Variants in NAV2 observed in about 807,000 individuals in gnomAD.
The protein encoded by NAV2 is helicase, APC down-regulated 1.
A neutral mutation model predicts 223.2 loss-of-function variants in NAV2; 54 were observed. The ratio of observed to expected loss-of-function variants is 0.24; its 90% CI spans 0.19 to 0.30. The LOEUF (loss-of-function observed/expected upper bound fraction) is 0.30. Ranked by LOEUF, NAV2 falls within the 10% of genes least tolerant of loss-of-function variation. NAV2 has a pLI of 1.00. For synonymous variants in NAV2, 1,279 were observed against 1,239.3 expected, an observed-to-expected ratio of 1.03 and a Z score of -0.67; for missense variants, 2,806 against 3,147.5, an observed-to-expected ratio of 0.89 and a Z score of 2.60.
chr11:19,642,501 C>T (rs1206013228), intron 1 of NAV2, among the ~76,000 whole-genome samples: 1 of 152,192 alleles, frequency 6.6e-6, no homozygotes, highest in Non-Finnish European at 1.5e-5. Flanking sequence ...GGATTCTTGT[C>T]AGACCTGCAG....
intron 10 of NAV2, among the ~76,000 whole-genome samples, chr11:19,974,140 A>G (rs953065072): frequency 1.3e-5 from 2 of 152,248 alleles, no homozygotes; most frequent in African/African-American, 4.8e-5. Flanking sequence ...TAGCCACATT[A>G]TAGTCAACTA....
intron 1 of NAV2, among the ~76,000 whole-genome samples, chr11:19,826,724 G>A (rs745863216): frequency 2.6e-5 from 4 of 152,216 alleles, no homozygotes; most frequent in Non-Finnish European, 5.9e-5. Flanking sequence ...TCTGATTAAT[G>A]AGCCTGAGCT....
chr11:19,896,943 T>C (rs1446197610), intron 6 of NAV2, among the ~76,000 whole-genome samples: 4 of 152,162 alleles, frequency 2.6e-5, no homozygotes, highest in African/African-American at 7.2e-5. Flanking sequence ...CATATGTTTA[T>C]TGCGGCACTA....
chr11:19,953,858 C>CGCGTGT (rs757111939), intron 10 of NAV2, among the ~76,000 whole-genome samples: 20 of 150,626 alleles, frequency 1.3e-4, no homozygotes, highest in East Asian at 4.0e-4. Context: ...CACGCGCGCG[C>CGCGTGT]GTGTGTGTGT....
chr11:19,984,200 G>A lies in NAV2; in HGVS notation c.2721G>A (p.Arg907=). ...TCCCTGATGGGATGGCTGTGGTACGGGAGACCCTGCAACGAAATACCTCCC... is the reference window on the plus strand; with the variant it reads ...TCCCTGATGGGATGGCTGTGGTACGAGAGACCCTGCAACGAAATACCTCCC... ...NRLPDGMAVV[R]ETLQRNTSLG... is the part of the protein sequence containing the mutation. Residue 907 remains arginine, a synonymous_variant, in exon 11 of 38, where the codon CGG becomes CGA. Transcript: ENST00000349880. 4 of 1,614,180 alleles carry A rather than the reference G, an allele frequency of 2.5e-6. No individual in the cohort carries two copies. Among genetic ancestry groups the A allele is most frequent in the Non-Finnish European group, 3.4e-6 (4 of 1,180,026 alleles).
chr11:19,666,569 T>C (rs1319888539), intron 1 of NAV2, among the ~76,000 whole-genome samples: 1 of 152,150 alleles, frequency 6.6e-6, no homozygotes, highest in East Asian at 1.9e-4. Flanking sequence ...CCAGACAGAT[T>C]GTGGAGCTTG....
intron 1 of NAV2, among the ~76,000 whole-genome samples, chr11:19,615,390 G>T (rs972834978): frequency 2.6e-5 from 4 of 151,902 alleles, no homozygotes; most frequent in African/African-American, 9.7e-5. Flanking sequence ...GTCCTCATAT[G>T]GTTGTTGTAA....
chr11:19,793,068 G>A (rs2057636286), intron 1 of NAV2, among the ~76,000 whole-genome samples: 2 of 151,826 alleles, frequency 1.3e-5, no homozygotes. Flanking sequence ...AATTAGCTGG[G>A]CATGGTGGTG....
At chr11:20,005,695 A>G (rs1323588733) in intron 11 of NAV2, among the ~76,000 whole-genome samples, 1 of 152,244 alleles carries the variant, frequency 6.6e-6, no homozygotes, top group Non-Finnish European at 1.5e-5. Context: ...CTGAATGCTC[A>G]AAGTATTTCA....
intron 11 of NAV2, among the ~76,000 whole-genome samples, chr11:20,002,290 A>G (rs1355684795): frequency 1.3e-5 from 2 of 152,208 alleles, no homozygotes; most frequent in Non-Finnish European, 2.9e-5. Context: ...CTCATCAGGC[A>G]TAGTACTTGC....
intron 1 of NAV2, among the ~76,000 whole-genome samples, chr11:19,756,493 G>A (rs1289905658): frequency 6.6e-6 from 1 of 152,158 alleles, no homozygotes; most frequent in East Asian, 1.9e-4. Context: ...GTGACTGAGG[G>A]AAAGAATAAC....
At chr11:20,002,112 A>G (rs1305680868) in intron 11 of NAV2, among the ~76,000 whole-genome samples, 1 of 152,208 alleles carries the variant, frequency 6.6e-6, no homozygotes, top group Non-Finnish European at 1.5e-5. Flanking sequence ...AAAGAGGGCA[A>G]GCTAGCTCTC....
At chr11:19,665,900 T>G (rs540014683) in intron 1 of NAV2, among the ~76,000 whole-genome samples, 13 of 152,296 alleles carry the variant, frequency 8.5e-5, no homozygotes, top group African/African-American at 2.9e-4. Flanking sequence ...CACAACATAA[T>G]TTCAAAGAAT....
chr11:19,404,872 CT>C (rs11342008), intron 1 of NAV2, among the ~76,000 whole-genome samples: 4,750 of 151,804 alleles, frequency 0.031, 227 homozygotes, highest in African/African-American at 0.11. Context: ...ACTTTTTTTT[CT>C]TTTTTTAAGT....
At chr11:19,962,294 T>G (rs2048407190) in intron 10 of NAV2, among the ~76,000 whole-genome samples, 1 of 152,006 alleles carries the variant, frequency 6.6e-6, no homozygotes, top group East Asian at 2.0e-4. Flanking sequence ...TCTGCTTTAC[T>G]CAGAGTCTAC....
chr11:20,080,096 A>G lies in NAV2; in HGVS notation c.5212A>G (p.Ile1738Val). 1 of 1,614,136 alleles carries G rather than the reference A, an allele frequency of 6.2e-7. No homozygotes were observed. The highest frequency in any genetic ancestry group is 8.5e-7 in the Non-Finnish European group (1 of 1,180,018). The change falls in exon 25 of 38, where the codon ATC (isoleucine) becomes GTC (valine). Residue 1738 changes from isoleucine to valine, a missense_variant. By Grantham distance (29) the Ile-to-Val change is conservative. This residue lies in a region of NAV2 where 824 missense variants were observed against 1,069.4 expected (regional missense o/e 0.77). Coordinates refer to ENST00000349880, the MANE Select transcript of NAV2 (RefSeq NM_145117.5). The part of the protein sequence containing the change: ...NGTAQSADLR[I>V]RRQHSSDSVS... The stretch of plus-strand genomic sequence containing the variant: ...CACTGCCCAGTCTGCAGACCTCCGC[A>G]TCCGCAGGCAGCACTCCTCAGACAG...
intron 1 of NAV2, among the ~76,000 whole-genome samples, chr11:19,403,425 G>A (rs1849767466): frequency 6.6e-6 from 1 of 152,124 alleles, no homozygotes. Flanking sequence ...GAAGACACGT[G>A]GAATTTCCCA....
chr11:19,993,661 A>T (rs2051566094), intron 11 of NAV2, among the ~76,000 whole-genome samples: 1 of 152,086 alleles, frequency 6.6e-6, no homozygotes, highest in African/African-American at 2.4e-5. Context: ...GCCAGGCATT[A>T]TGCCACCCAG....
At chr11:19,532,614 G>A (rs965900716) in intron 1 of NAV2, among the ~76,000 whole-genome samples, 2 of 152,128 alleles carry the variant, frequency 1.3e-5, no homozygotes, top group African/African-American at 2.4e-5. Context: ...TGAGGCAACT[G>A]AGGCCAAAAA....
Sources: allele counts gnomAD v4.1 joint callset (sites outside exome capture counted in the v4.1 genomes callset), GRCh38; gene constraint gnomAD v4.1.1; regional missense constraint gnomAD v4.1.1; transcripts MANE v1.5; gene names NCBI Gene and HGNC (gene_info 2026-07-23, HGNC 2026-07-21).